LMLN: variants seen among roughly 807,000 people sequenced by gnomAD.
The protein encoded by LMLN is leishmanolysin like peptidase.
In LMLN, 70 loss-of-function variants were observed where a neutral mutation model predicts 92.3. The observed-to-expected ratio is 0.76, with a 90% CI of 0.63 to 0.92. The LOEUF (loss-of-function observed/expected upper bound fraction) is 0.92. Among genes scored for constraint, LMLN ranks in the 40% least tolerant of loss-of-function variants. The pLI, the probability that LMLN is intolerant of heterozygous loss-of-function variation, is 0.00. For synonymous variants in LMLN, 308 were observed against 296.2 expected, an observed-to-expected ratio of 1.04 and a Z score of -0.41; for missense variants, 691 against 814.6, an observed-to-expected ratio of 0.85 and a Z score of 1.85.
chr3:197,976,115 T>A lies in LMLN; in HGVS notation c.431+4T>A, dbSNP rs765241580. 1 of 1,576,818 alleles carries A rather than the reference T, an allele frequency of 6.3e-7. No individual in the cohort carries two copies. Among genetic ancestry groups the A allele is most frequent in the East Asian group, 2.2e-5 (1 of 44,490 alleles). On this transcript the variant is annotated splice_donor_region_variant and intron_variant, in intron 4 of 15. Transcript: ENST00000330198. ...CGGGCACTATCTTACTTAGCAGGTA[T>A]GTCACATGAAACACAGATCATTTTC... is the stretch of plus-strand genomic sequence containing the variant.
rs763717547 is a variant in LMLN at position 197,980,345 on chromosome 3, G to A, written c.569G>A (p.Gly190Glu). The stretch of plus-strand genomic sequence containing the variant: ...GTGCAGCAATGCCGGGTCTACCGTG[G>A]GGGTAAGTGGCCTCATGGAGCAGTG... Residue 190 changes from glycine to glutamate, a missense_variant, in exon 6 of 16, where the codon GGG becomes GAG. Gly to Glu is a moderately conservative substitution (Grantham distance 98). Transcript: ENST00000330198. 3.7e-6 allele frequency: 6 copies of A among 1,613,600 alleles called. No homozygotes were observed. In the Admixed American group the frequency reaches 1.0e-4, roughly 27 times the overall value.
chr3:198,038,397 TAAAAAA>T, intron 15 of LMLN, 164 bp from the exon 17 acceptor site: 1 of 560,336 alleles, frequency 1.8e-6, no homozygotes, highest in Non-Finnish European at 3.2e-6. Flanking sequence ...TTTCCTCCAT[TAAAAAA>T]GAAACAAAAA....
At chr3:198,034,076 G>A (rs769857352) in intron 14 of LMLN, among the ~76,000 whole-genome samples, 1 of 152,156 alleles carries the variant, frequency 6.6e-6, no homozygotes, top group African/African-American at 2.4e-5. Context: ...TGTGTCACAC[G>A]TTGTCTTAAC....
intron 1 of LMLN, among the ~76,000 whole-genome samples, chr3:197,973,276 C>G (rs1327807930): frequency 1.3e-5 from 2 of 149,494 alleles, no homozygotes; most frequent in Non-Finnish European, 3.0e-5. Context: ...GAGTCTTGCT[C>G]TGTTGCCCAG....
chr3:198,002,121 G>A (rs1722190548), intron 11 of LMLN, among the ~76,000 whole-genome samples: 1 of 152,026 alleles, frequency 6.6e-6, no homozygotes, highest in Non-Finnish European at 1.5e-5. Context: ...AATTTGTCTG[G>A]AAACTCCATC....
At chr3:197,998,337 T>A (rs1722082200) in intron 10 of LMLN, among the ~76,000 whole-genome samples, 1 of 152,238 alleles carries the variant, frequency 6.6e-6, no homozygotes, top group African/African-American at 2.4e-5. Flanking sequence ...GTGATTACTG[T>A]TCTTGTCTAG....
exon 1 of LMLN, chr3:197,960,251 G>T: frequency 6.2e-7 from 1 of 1,611,540 alleles, no homozygotes; most frequent in Non-Finnish European, 8.5e-7. Flanking sequence ...CGAAGATGGC[G>T]GCCGAATGGG....
At chr3:197,982,523 G>A (rs190498743) in intron 6 of LMLN, among the ~76,000 whole-genome samples, 1 of 152,248 alleles carries the variant, frequency 6.6e-6, no homozygotes, top group Non-Finnish European at 1.5e-5. Context: ...ACCACGCCCG[G>A]CCTTAAGTTC....
At chr3:198,036,941 A>C (rs1331032640) in intron 15 of LMLN, among the ~76,000 whole-genome samples, 4 of 152,192 alleles carry the variant, frequency 2.6e-5, no homozygotes, top group Non-Finnish European at 5.9e-5. Context: ...ATGTGATTGA[A>C]AATAGAGGGC....
intron 9 of LMLN, among the ~76,000 whole-genome samples, chr3:197,993,230 C>A (rs946281597): frequency 2.0e-5 from 3 of 152,074 alleles, no homozygotes; most frequent in Admixed American, 6.6e-5. Context: ...AACACTCTTA[C>A]CACTTGTACA....
intron 13 of LMLN, among the ~76,000 whole-genome samples, chr3:198,022,692 C>G (rs1324394904): frequency 2.0e-5 from 3 of 152,054 alleles, no homozygotes; most frequent in African/African-American, 7.2e-5. Context: ...CTGTCTGTAT[C>G]AAAAATCCAA....
intron 1 of LMLN, among the ~76,000 whole-genome samples, chr3:197,960,832 C>A (rs961022021): frequency 6.6e-6 from 1 of 152,140 alleles, no homozygotes; most frequent in South Asian, 2.1e-4. Context: ...GTGAGATATG[C>A]TTGTCCGGGG....
intron 1 of LMLN, among the ~76,000 whole-genome samples, chr3:197,973,298 G>A (rs1721281210): frequency 6.6e-6 from 1 of 151,266 alleles, no homozygotes; most frequent in Non-Finnish European, 1.5e-5. Context: ...CTGGAGTGCA[G>A]TGACAAAATC....
intron 7 of LMLN, 50 bp from the exon 8 acceptor site, chr3:197,985,746 A>G (rs1190650666): frequency 1.6e-6 from 2 of 1,265,756 alleles, no homozygotes; most frequent in South Asian, 1.2e-5. Context: ...CAGGCCTGTA[A>G]TCAGCCTTGA....
chr3:197,974,539 T>A, intron 2 of LMLN, 65 bp downstream of exon 2: 1 of 866,248 alleles, frequency 1.2e-6, no homozygotes, highest in Non-Finnish European at 1.7e-6. Flanking sequence ...TATTTTTGTC[T>A]GTTACCTGAA....
intron 11 of LMLN, among the ~76,000 whole-genome samples, chr3:198,003,483 C>CA (rs969591159): frequency 6.6e-6 from 1 of 151,514 alleles, no homozygotes; most frequent in Non-Finnish European, 1.5e-5. Flanking sequence ...GATTCAGTAT[C>CA]AAAAAAAAGG....
At chr3:197,980,684 A>G in intron 6 of LMLN, 180 bp downstream of exon 6, 1 of 497,660 alleles carries the variant, frequency 2.0e-6, no homozygotes, top group Non-Finnish European at 3.5e-6. Context: ...ACTGTTATTA[A>G]TGTGATAACC....
At chr3:198,018,634 G>A (rs1722703951) in intron 11 of LMLN, among the ~76,000 whole-genome samples, 1 of 152,130 alleles carries the variant, frequency 6.6e-6, no homozygotes, top group Non-Finnish European at 1.5e-5. Context: ...CTTAAAATAA[G>A]AAATATTTAA....
Position 197,990,621 on chromosome 3 carries a change from G to A in LMLN, c.992G>A (p.Arg331Gln), listed in dbSNP as rs756578989. 149 of 1,605,096 alleles carry A rather than the reference G, an allele frequency of 9.3e-5. No individual in the cohort carries two copies. Among genetic ancestry groups the A allele is most frequent in the Admixed American group, 1.3e-4 (8 of 59,982 alleles). ...AAAGTGGAGAGATTATGGGATGTTC[G>A]AGATAATAAGATAGTTCGTCACACT... The change falls in exon 9 of 16, where the codon CGA (arginine) becomes CAA (glutamine). Residue 331 changes from arginine to glutamine, a missense_variant. Coordinates refer to ENST00000330198, the Ensembl canonical transcript of LMLN.
Sources: allele counts gnomAD v4.1 joint callset (sites outside exome capture counted in the v4.1 genomes callset), GRCh38; gene constraint gnomAD v4.1.1; transcripts MANE v1.5; gene names NCBI Gene and HGNC (gene_info 2026-07-23, HGNC 2026-07-21).